L3MBTL4: variants seen among roughly 807,000 people sequenced by gnomAD.
L3MBTL4 encodes the protein L3MBTL histone methyl-lysine binding protein 4, also known as lethal(3)malignant brain tumor-like protein 4.
A neutral mutation model predicts 84.5 loss-of-function variants in L3MBTL4; 70 were observed. That is an observed-to-expected ratio of 0.83 (90% CI 0.68 to 1.01). The LOEUF (loss-of-function observed/expected upper bound fraction) is 1.01, where lower values mean the gene tolerates loss of function less well. Among genes scored for constraint, L3MBTL4 ranks in the 50% least tolerant of loss-of-function variants. The pLI is 0.00. For synonymous variants in L3MBTL4, 274 were observed against 259.8 expected (o/e 1.05, Z -0.52); for missense variants, 715 against 754.8 (o/e 0.95, Z 0.62).
chr18:6,306,951 G>A (rs1188657695), intron 3 of L3MBTL4, among the ~76,000 whole-genome samples: 1 of 152,008 alleles, frequency 6.6e-6, no homozygotes, highest in African/African-American at 2.4e-5. Context: ...CTACTATACT[G>A]CTAATAGCAA....
chr18:6,001,188 C>T (rs1321594127), intron 16 of L3MBTL4, among the ~76,000 whole-genome samples: 1 of 152,232 alleles, frequency 6.6e-6, no homozygotes, highest in African/African-American at 2.4e-5. Context: ...TATGAAGGTG[C>T]AGGCCAGAGG....
chr18:5,991,266 G>A (rs1240541319), intron 16 of L3MBTL4, among the ~76,000 whole-genome samples: 2 of 152,120 alleles, frequency 1.3e-5, no homozygotes, highest in Admixed American at 6.5e-5. Context: ...ATCACAGTCA[G>A]TACTTAGTAT....
chr18:6,184,191 T>A (rs540338628), intron 12 of L3MBTL4, among the ~76,000 whole-genome samples: 1 of 152,238 alleles, frequency 6.6e-6, no homozygotes, highest in Non-Finnish European at 1.5e-5. Flanking sequence ...TAGTACAACA[T>A]TAATCTTATT....
At position 5,964,220 on chromosome 18, in the gene L3MBTL4, G is replaced by A. The variant is rs1049964752; in HGVS notation, c.1615-4064C>T. Among the ~76,000 whole-genome samples, 5 of 152,340 alleles carry A rather than the reference G, an allele frequency of 3.3e-5. No homozygotes were observed. The East Asian group carries it at 9.6e-4, about 29-fold the overall frequency. ...CTGAGAAAGTTAATTCTAAGTATGA[G>A]ACAGCAGTCTGGGGAGACTGGGAGG... On this transcript the variant is annotated intron_variant, in intron 17 of 18. Transcript: ENST00000317931.
At chr18:6,294,721 A>G (rs2050016556) in intron 4 of L3MBTL4, among the ~76,000 whole-genome samples, 1 of 152,086 alleles carries the variant, frequency 6.6e-6, no homozygotes, top group African/African-American at 2.4e-5. Context: ...AATCAAAACA[A>G]AACAAAACAA....
intron 16 of L3MBTL4, among the ~76,000 whole-genome samples, chr18:5,994,070 T>A (rs2053830015): frequency 6.6e-6 from 1 of 152,108 alleles, no homozygotes; most frequent in African/African-American, 2.4e-5. Flanking sequence ...CCCTTTCTCT[T>A]CCAGGAACAT....
chr18:6,344,804 GA>G (rs1485288009), intron 1 of L3MBTL4, among the ~76,000 whole-genome samples: 2 of 150,328 alleles, frequency 1.3e-5, no homozygotes, highest in South Asian at 4.2e-4. Context: ...AATAAATGCA[GA>G]AAAAGCATTT....
At chr18:6,251,010 T>G (rs2047900040) in intron 5 of L3MBTL4, among the ~76,000 whole-genome samples, 1 of 152,208 alleles carries the variant, frequency 6.6e-6, no homozygotes, top group Non-Finnish European at 1.5e-5. Flanking sequence ...ACAGAGAATT[T>G]AACTCTTTGA....
rs754209168 is a variant in L3MBTL4, at chr18:6,301,896, T to C, written c.127+7A>G. 6.2e-7 allele frequency: 1 copy of C among 1,607,642 alleles called. No homozygotes were observed. ...GAACTACCACTGTAAATATTGGTGA[T>C]AATTACCGTGACTCAAAGGGGTTGT... On this transcript the variant is annotated splice_region_variant and intron_variant, in intron 4 of 18. Transcript: ENST00000317931.
At chr18:6,225,063 G>A (rs2046721194) in intron 10 of L3MBTL4, among the ~76,000 whole-genome samples, 1 of 152,150 alleles carries the variant, frequency 6.6e-6, no homozygotes, top group African/African-American at 2.4e-5. Context: ...AAGTAGGGGG[G>A]AGCGTTCCCA....
chr18:6,123,414 G>A (rs2059588849), intron 14 of L3MBTL4, among the ~76,000 whole-genome samples: 1 of 152,076 alleles, frequency 6.6e-6, no homozygotes. Context: ...TTGAATCATG[G>A]GGGCAGGTCC....
chr18:6,046,556 A>G (rs893840842), intron 16 of L3MBTL4, among the ~76,000 whole-genome samples: 2 of 152,166 alleles, frequency 1.3e-5, no homozygotes, highest in East Asian at 3.9e-4. Context: ...TACCAACAGT[A>G]CTCTCAGACC....
intron 12 of L3MBTL4, among the ~76,000 whole-genome samples, chr18:6,190,786 G>C (rs1355739614): frequency 1.3e-5 from 2 of 152,164 alleles, no homozygotes; most frequent in African/African-American, 2.4e-5. Flanking sequence ...TGTGCCAGGA[G>C]AGTCTTGCTG....
intron 1 of L3MBTL4, among the ~76,000 whole-genome samples, chr18:6,390,034 GACCATA>G (rs2054981718): frequency 1.3e-5 from 2 of 152,034 alleles, no homozygotes; most frequent in African/African-American, 4.8e-5. Context: ...CTCCAAGACA[GACCATA>G]TGATAGGCCA....
chr18:6,367,827 T>G (rs573997328), intron 1 of L3MBTL4: 2 of 152,338 alleles, frequency 1.3e-5, no homozygotes, highest in East Asian at 3.9e-4. Context: ...GCCATGAGCT[T>G]TACTTACAAG....
At chr18:6,154,126 G>A (rs541663810) in intron 13 of L3MBTL4, among the ~76,000 whole-genome samples, 62 of 152,182 alleles carry the variant, frequency 4.1e-4, no homozygotes, top group Non-Finnish European at 5.0e-4. Context: ...GTAGGCACCC[G>A]TGTCTTGTTT....
intron 17 of L3MBTL4, among the ~76,000 whole-genome samples, chr18:5,962,451 G>T (rs2095268256): frequency 6.6e-6 from 1 of 152,142 alleles, no homozygotes; most frequent in South Asian, 2.1e-4. Flanking sequence ...GACAGGGAGT[G>T]GCGGGAAGAG....
intron 4 of L3MBTL4, among the ~76,000 whole-genome samples, chr18:6,270,587 C>T (rs2048823925): frequency 6.6e-6 from 1 of 152,218 alleles, no homozygotes; most frequent in Admixed American, 6.5e-5. Context: ...ACACAGAAAG[C>T]TCCCCGGAGG....
chr18:6,062,946 T>G (rs2057279135), intron 16 of L3MBTL4, among the ~76,000 whole-genome samples: 2 of 152,036 alleles, frequency 1.3e-5, no homozygotes, highest in East Asian at 3.9e-4. Context: ...CAGTGTAAAC[T>G]GTACCTAATA....
Sources: gnomAD v4.1 joint callset for allele counts (sites outside exome capture counted in the v4.1 genomes callset) on GRCh38, gnomAD v4.1.1 for gene constraint, MANE v1.5 for transcripts, NCBI Gene and HGNC (gene_info 2026-07-23, HGNC 2026-07-21) for gene names.